Variants in FAT3 observed in about 807,000 individuals in gnomAD.
FAT3 encodes the protein protocadherin Fat 3.
A neutral mutation model predicts 310.2 loss-of-function variants in FAT3; 95 were observed. The ratio of observed to expected loss-of-function variants is 0.31; its 90% CI spans 0.26 to 0.36. FAT3 has a LOEUF of 0.36. Ranked by LOEUF, FAT3 falls within the 10% of genes least tolerant of loss-of-function variation. The pLI, the probability that FAT3 is intolerant of heterozygous loss-of-function variation, is 1.00. For synonymous variants in FAT3, 2,314 were observed against 2,192.9 expected, an observed-to-expected ratio of 1.06 and a Z score of -1.54; for missense variants, 5,408 against 5,715.6, an observed-to-expected ratio of 0.95 and a Z score of 1.74.
chr11:92,242,270 T>C (rs922287910), intron 1 of FAT3, among the ~76,000 whole-genome samples: 6 of 152,080 alleles, frequency 3.9e-5, no homozygotes, highest in African/African-American at 1.2e-4. Context: ...CCAAAGTGTC[T>C]TACCTGTCTA....
At chr11:92,526,431 C>T (rs949772662) in intron 3 of FAT3, among the ~76,000 whole-genome samples, 5 of 152,160 alleles carry the variant, frequency 3.3e-5, no homozygotes, top group African/African-American at 1.2e-4. Context: ...TGAAATACCC[C>T]AGTCAGATTC....
chr11:92,625,112 A>G (rs1565467228), intron 3 of FAT3, among the ~76,000 whole-genome samples: 2 of 152,210 alleles, frequency 1.3e-5, no homozygotes, highest in African/African-American at 4.8e-5. Flanking sequence ...ATTCCCTGAG[A>G]CAGAGAACAC....
At chr11:92,850,683 G>A (rs1341584420) in intron 19 of FAT3, among the ~76,000 whole-genome samples, 1 of 152,196 alleles carries the variant, frequency 6.6e-6, no homozygotes, top group Non-Finnish European at 1.5e-5. Context: ...TTCAATGTAT[G>A]AGGCAGCAAC....
chr11:92,525,556 G>A (rs1953834089), intron 3 of FAT3, among the ~76,000 whole-genome samples: 3 of 152,170 alleles, frequency 2.0e-5, no homozygotes, highest in Admixed American at 2.0e-4. Context: ...AGGATCGGGA[G>A]CAGGTGTGCA....
chr11:92,518,294 G>T (rs770349342), intron 2 of FAT3, among the ~76,000 whole-genome samples: 13 of 152,236 alleles, frequency 8.5e-5, no homozygotes, highest in Non-Finnish European at 1.9e-4. Flanking sequence ...ACTGGTTAAA[G>T]AACGTGTGAC....
intron 16 of FAT3, among the ~76,000 whole-genome samples, 197 bp downstream of exon 16, chr11:92,836,900 A>T (rs1299902628): frequency 6.6e-6 from 1 of 152,188 alleles, no homozygotes; most frequent in Non-Finnish European, 1.5e-5. Context: ...GATGCTGGTT[A>T]TGGAGGTTTT....
chr11:92,505,935 A>G (rs1259204609), intron 2 of FAT3, among the ~76,000 whole-genome samples: 2 of 152,238 alleles, frequency 1.3e-5, no homozygotes, highest in East Asian at 3.9e-4. Flanking sequence ...CCTGGGGGAT[A>G]TTACAGTCTG....
chr11:92,467,964 TG>T (rs1194697549), intron 2 of FAT3, among the ~76,000 whole-genome samples: 1 of 152,204 alleles, frequency 6.6e-6, no homozygotes, highest in Non-Finnish European at 1.5e-5. Context: ...AGTGAGCATA[TG>T]ACATAGGAGA....
chr11:92,840,768 T>C lies in FAT3; in HGVS notation c.10566+9T>C. 1 of 1,548,604 alleles carries C rather than the reference T, an allele frequency of 6.5e-7. No homozygotes were observed. Among genetic ancestry groups the C allele is most frequent in the Non-Finnish European group, 8.8e-7 (1 of 1,134,876 alleles). On this transcript the variant is annotated intron_variant, in intron 18 of 27. Coordinates refer to ENST00000525166, the MANE Select transcript of FAT3 (RefSeq NM_001367949.2). Reference sequence around the variant, plus strand: ...ACGTGTTGTGTGTCCAGGTATGGCATCGCACTCTGTCTCCGTCGTGCTGTC... The same window carrying C: ...ACGTGTTGTGTGTCCAGGTATGGCACCGCACTCTGTCTCCGTCGTGCTGTC...
At chr11:92,631,997 G>A (rs1262498201) in intron 3 of FAT3, among the ~76,000 whole-genome samples, 1 of 152,212 alleles carries the variant, frequency 6.6e-6, no homozygotes, top group Non-Finnish European at 1.5e-5. Flanking sequence ...TAGTTTCTTG[G>A]AGGAAATATG....
chr11:92,434,746 A>G (rs1950887303), intron 2 of FAT3, among the ~76,000 whole-genome samples: 1 of 152,204 alleles, frequency 6.6e-6, no homozygotes, highest in Non-Finnish European at 1.5e-5. Flanking sequence ...AGGATTGGAT[A>G]AAGATAATGT....
chr11:92,803,349 T>C (rs529342154), intron 10 of FAT3, among the ~76,000 whole-genome samples: 8 of 152,340 alleles, frequency 5.3e-5, no homozygotes, highest in South Asian at 4.1e-4. Flanking sequence ...GATTTAACTT[T>C]TGCTCTTGAT....
chr11:92,366,875 A>C (rs1044574634), intron 2 of FAT3: 2 of 534,214 alleles, frequency 3.7e-6, no homozygotes, highest in African/African-American at 3.8e-5. Context: ...GTTGGGCTTC[A>C]TTAGAGGTGG....
At chr11:92,663,879 A>G (rs1591580919) in intron 3 of FAT3, among the ~76,000 whole-genome samples, 1 of 152,196 alleles carries the variant, frequency 6.6e-6, no homozygotes, top group East Asian at 1.9e-4. Flanking sequence ...TGTAACTTTT[A>G]GCATCTTTTG....
intron 4 of FAT3, among the ~76,000 whole-genome samples, chr11:92,754,280 A>G (rs1041657359): frequency 6.6e-6 from 1 of 152,130 alleles, no homozygotes; most frequent in Non-Finnish European, 1.5e-5. Flanking sequence ...CAACAGATGC[A>G]TGAAGACTAT....
intron 2 of FAT3, among the ~76,000 whole-genome samples, chr11:92,410,147 G>C (rs986272848): frequency 2.6e-5 from 4 of 152,068 alleles, no homozygotes; most frequent in African/African-American, 9.7e-5. Flanking sequence ...TGTGGTGGTT[G>C]GTGATTTTTT....
Position 92,278,659 on chromosome 11 carries a change from A to T in FAT3, c.-18+53485A>T, listed in dbSNP as rs146707344. Among the ~76,000 whole-genome samples the T allele has an allele frequency of 5.8e-3, 877 of 152,282 alleles. 11 individuals are homozygous for T. Among genetic ancestry groups the T allele is most frequent in the African/African-American group, 0.021 (855 of 41,552 alleles). On this transcript the variant is annotated intron_variant, in intron 1 of 27. Transcript: ENST00000525166. ...AATTTTCCTATATAAGAAAATTATAAGAACCTGTCAAAATAAATAGAAGAA... is the reference window on the plus strand; with the variant it reads ...AATTTTCCTATATAAGAAAATTATATGAACCTGTCAAAATAAATAGAAGAA...
At chr11:92,501,835 CAT>C (rs1284838895) in intron 2 of FAT3, among the ~76,000 whole-genome samples, 1 of 151,940 alleles carries the variant, frequency 6.6e-6, no homozygotes, top group Non-Finnish European at 1.5e-5. Context: ...TGAATTTTGA[CAT>C]GTGCAAATTA....
chr11:92,365,100 C>T (rs1948983452), intron 2 of FAT3, among the ~76,000 whole-genome samples: 1 of 152,020 alleles, frequency 6.6e-6, no homozygotes, highest in South Asian at 2.1e-4. Context: ...TCTCTACCAA[C>T]AAAATATAAA....
Sources: gnomAD v4.1 joint callset for allele counts (sites outside exome capture counted in the v4.1 genomes callset) on GRCh38, gnomAD v4.1.1 for gene constraint, MANE v1.5 for transcripts, NCBI Gene and HGNC (gene_info 2026-07-23, HGNC 2026-07-21) for gene names.